Variants in CSMD1 observed in about 807,000 individuals in gnomAD.
CSMD1 encodes CUB and sushi domain-containing protein 1.
In CSMD1, 213 loss-of-function variants were observed where a neutral mutation model predicts 417.5. The ratio of observed to expected loss-of-function variants is 0.51; its 90% confidence interval spans 0.46 to 0.57. CSMD1 has a LOEUF of 0.57. Ranked by LOEUF, CSMD1 falls within the 20% of genes least tolerant of loss-of-function variation. The pLI is 0.00. For synonymous variants in CSMD1, 2,862 were observed against 1,736.8 expected, an observed-to-expected ratio of 1.65 and a Z score of -16.11; for missense variants, 6,923 against 4,529.7, an observed-to-expected ratio of 1.53 and a Z score of -15.17.
intron 3 of CSMD1, among the ~76,000 whole-genome samples, chr8:4,046,009 A>G (rs1057445084): frequency 2.6e-5 from 4 of 152,152 alleles, no homozygotes; most frequent in Admixed American, 6.5e-5. Context: ...TGGTTCTACA[A>G]TTGTATTCAA....
intron 6 of CSMD1, among the ~76,000 whole-genome samples, chr8:3,726,181 C>G (rs1023778916): frequency 6.6e-6 from 1 of 152,152 alleles, no homozygotes; most frequent in African/African-American, 2.4e-5. Flanking sequence ...CACGAATCAG[C>G]TCTTGGAACT....
intron 3 of CSMD1, among the ~76,000 whole-genome samples, chr8:4,311,381 T>G (rs956077984): frequency 4.6e-5 from 7 of 152,154 alleles, no homozygotes; most frequent in Non-Finnish European, 1.0e-4. Context: ...CCATTATTCT[T>G]GGCAAACTAA....
chr8:3,529,262 C>A (rs1229193698), intron 10 of CSMD1, among the ~76,000 whole-genome samples: 1 of 152,158 alleles, frequency 6.6e-6, no homozygotes, highest in Admixed American at 6.5e-5. Context: ...AATGCAAGTT[C>A]TTTTCCATGA....
chr8:3,458,276 C>T (rs1430139586), intron 12 of CSMD1, among the ~76,000 whole-genome samples: 1 of 152,142 alleles, frequency 6.6e-6, no homozygotes, highest in Admixed American at 6.5e-5. Context: ...TTCTCCGGCA[C>T]CACCTGCTCT....
chr8:4,943,447 G>A (rs939896563), intron 1 of CSMD1, among the ~76,000 whole-genome samples: 2 of 151,800 alleles, frequency 1.3e-5, no homozygotes, highest in African/African-American at 2.4e-5. Flanking sequence ...AGTGAGCTGA[G>A]GTCGCACCAC....
intron 51 of CSMD1, among the ~76,000 whole-genome samples, chr8:3,021,392 C>T (rs139493750): frequency 6.6e-6 from 1 of 152,324 alleles, no homozygotes; most frequent in African/African-American, 2.4e-5. Flanking sequence ...ACTCGGAAAT[C>T]TTGCCTGACT....
At chr8:3,130,146 A>G (rs1817718402) in intron 41 of CSMD1, among the ~76,000 whole-genome samples, 1 of 152,172 alleles carries the variant, frequency 6.6e-6, no homozygotes, top group African/African-American at 2.4e-5. Context: ...CTCAGATATT[A>G]AGATCATGCT....
chr8:3,803,986 G>A (rs577928227), intron 5 of CSMD1, among the ~76,000 whole-genome samples: 1 of 152,182 alleles, frequency 6.6e-6, no homozygotes, highest in South Asian at 2.1e-4. Context: ...GGAGTGCAAT[G>A]GCGTGATCTC....
intron 5 of CSMD1, among the ~76,000 whole-genome samples, chr8:3,843,765 T>C (rs1803293361): frequency 6.6e-6 from 1 of 152,202 alleles, no homozygotes; most frequent in South Asian, 2.1e-4. Flanking sequence ...AGCATTTGAT[T>C]CTCAGATCCA....
chr8:3,606,648 T>A (rs1801629291), intron 8 of CSMD1, among the ~76,000 whole-genome samples: 1 of 152,114 alleles, frequency 6.6e-6, no homozygotes, highest in Admixed American at 6.6e-5. Flanking sequence ...ATAAATTTAT[T>A]AATGCTTTTC....
intron 1 of CSMD1, among the ~76,000 whole-genome samples, chr8:4,992,067 T>C (rs1811498719): frequency 6.6e-6 from 1 of 152,128 alleles, no homozygotes; most frequent in South Asian, 2.1e-4. Context: ...TCTCGGCTTC[T>C]ACAGCCAGGT....
intron 10 of CSMD1, among the ~76,000 whole-genome samples, chr8:3,560,887 T>A (rs1198785584): frequency 6.6e-6 from 1 of 152,216 alleles, no homozygotes; most frequent in East Asian, 1.9e-4. Flanking sequence ...TACTGATTGA[T>A]TCTTCCAGTT....
intron 1 of CSMD1, among the ~76,000 whole-genome samples, chr8:4,712,185 A>C (rs1173677271): frequency 6.6e-6 from 1 of 152,224 alleles, no homozygotes; most frequent in Non-Finnish European, 1.5e-5. Context: ...CTTCAGGCTC[A>C]AATGTCTGCG....
At chr8:3,954,342 G>C (rs765393425) in intron 5 of CSMD1, among the ~76,000 whole-genome samples, 4 of 152,030 alleles carry the variant, frequency 2.6e-5, no homozygotes, top group South Asian at 2.1e-4. Context: ...AAGGTCAAGA[G>C]CCATTTAACT....
chr8:3,491,177 G>T (rs1354315982), intron 11 of CSMD1, among the ~76,000 whole-genome samples: 1 of 152,030 alleles, frequency 6.6e-6, no homozygotes, highest in Non-Finnish European at 1.5e-5. Context: ...ACTGTCAAAG[G>T]GAACCAGGTA....
At chr8:4,156,064 G>A (rs946571717) in intron 3 of CSMD1, among the ~76,000 whole-genome samples, 2 of 152,094 alleles carry the variant, frequency 1.3e-5, no homozygotes, top group African/African-American at 4.8e-5. Context: ...CTACAGAAAT[G>A]GAATTGGAAT....
intron 2 of CSMD1, among the ~76,000 whole-genome samples, chr8:4,450,049 C>A (rs929987048): frequency 6.6e-6 from 1 of 152,196 alleles, no homozygotes; most frequent in African/African-American, 2.4e-5. Context: ...CTGGGTTCCA[C>A]TTTTCTCCCG....
intron 3 of CSMD1, among the ~76,000 whole-genome samples, chr8:4,131,824 G>T (rs559045793): frequency 9.2e-5 from 13 of 140,718 alleles, no homozygotes; most frequent in African/African-American, 3.5e-4. Flanking sequence ...CTGCAGTGGT[G>T]CGATCCCGGC....
chr8:4,068,807 G>C (rs542748782), intron 3 of CSMD1, among the ~76,000 whole-genome samples: 1 of 152,242 alleles, frequency 6.6e-6, no homozygotes, highest in African/African-American at 2.4e-5. Flanking sequence ...CTACTGACAT[G>C]AATTCATGGT....
Sources: gnomAD v4.1 joint callset for allele counts (sites outside exome capture counted in the v4.1 genomes callset) on GRCh38, gnomAD v4.1.1 for gene constraint, MANE v1.5 for transcripts, NCBI Gene and HGNC (gene_info 2026-07-23, HGNC 2026-07-21) for gene names.